Variants in DOCK3 observed in about 807,000 individuals in gnomAD.
DOCK3 encodes dedicator of cytokinesis 3, also known as dedicator of cytokinesis protein 3.
In DOCK3, 60 loss-of-function variants were observed where a neutral mutation model predicts 265.6. The observed-to-expected ratio is 0.23, with a 90% CI of 0.18 to 0.28. The LOEUF is 0.28. Ranked by LOEUF, DOCK3 falls within the 10% of genes least tolerant of loss-of-function variation. DOCK3 has a pLI of 1.00. For missense variants in DOCK3, 1,981 were observed against 2,594.3 expected, an observed-to-expected ratio of 0.76 and a Z score of 5.14; for synonymous variants, 881 against 938.0, an observed-to-expected ratio of 0.94 and a Z score of 1.11.
intron 27 of DOCK3, among the ~76,000 whole-genome samples, chr3:51,294,062 C>G (rs1251748228): frequency 6.6e-6 from 1 of 152,082 alleles, no homozygotes; most frequent in Admixed American, 6.5e-5. Flanking sequence ...ATAGAATTAC[C>G]ATATAATCCA....
At chr3:50,761,046 C>G (rs2040498250) in intron 1 of DOCK3, among the ~76,000 whole-genome samples, 1 of 151,848 alleles carries the variant, frequency 6.6e-6, no homozygotes, top group African/African-American at 2.4e-5. Flanking sequence ...TCCCAAAGTG[C>G]TGGGATTACA....
chr3:51,370,729 A>C (rs956220519), intron 49 of DOCK3, among the ~76,000 whole-genome samples: 3 of 152,226 alleles, frequency 2.0e-5, no homozygotes, highest in Non-Finnish European at 4.4e-5. Context: ...GCTGCATAAT[A>C]AGCCACCCCC....
chr3:50,843,361 C>T lies in DOCK3; in HGVS notation c.162+1646C>T, dbSNP rs577567884. Among the ~76,000 whole-genome samples, 22 of 152,084 alleles carry T rather than the reference C, an allele frequency of 1.4e-4. 1 individual carries two copies. The highest frequency in any genetic ancestry group is 1.3e-3 in the Admixed American group (20 of 15,280). ...TTGGCAGGGTTGGCTGGAAGACTGT[C>T]TTCAGCTAGGCCACCAAGATAACCA... On this transcript the variant is annotated intron_variant, in intron 3 of 52. Transcript: ENST00000266037.
At chr3:50,736,651 C>G (rs1208701781) in intron 1 of DOCK3, among the ~76,000 whole-genome samples, 3 of 150,044 alleles carry the variant, frequency 2.0e-5, no homozygotes, top group East Asian at 1.9e-4. Flanking sequence ...CTGATAGCCA[C>G]TGATGATGAG....
intron 24 of DOCK3, among the ~76,000 whole-genome samples, 184 bp downstream of exon 24, chr3:51,271,191 A>T (rs1353761880): frequency 6.6e-6 from 1 of 152,202 alleles, no homozygotes; most frequent in African/African-American, 2.4e-5. Context: ...ACCTAGGCCT[A>T]CTGCCTTACT....
intron 1 of DOCK3, among the ~76,000 whole-genome samples, chr3:50,744,915 A>T (rs1370061091): frequency 6.6e-6 from 1 of 152,012 alleles, no homozygotes; most frequent in South Asian, 2.1e-4. Flanking sequence ...TATTTTATTG[A>T]TCTATATGTC....
chr3:51,249,969 C>T (rs999397378), intron 22 of DOCK3, among the ~76,000 whole-genome samples: 1 of 151,716 alleles, frequency 6.6e-6, no homozygotes, highest in African/African-American at 2.4e-5. Flanking sequence ...TGATCTGTGA[C>T]CTTACCCCCA....
At chr3:51,195,245 G>T (rs1471049599) in intron 12 of DOCK3, among the ~76,000 whole-genome samples, 4 of 152,008 alleles carry the variant, frequency 2.6e-5, no homozygotes, top group Non-Finnish European at 4.4e-5. Context: ...TTGATATGTG[G>T]TGCTTTGTTT....
intron 2 of DOCK3, among the ~76,000 whole-genome samples, chr3:50,779,022 A>T (rs1361186960): frequency 6.6e-6 from 1 of 152,146 alleles, no homozygotes; most frequent in Non-Finnish European, 1.5e-5. Flanking sequence ...GGTACTTGAG[A>T]TACTTTGGTA....
chr3:51,248,562 G>A (rs1372283402), intron 22 of DOCK3, among the ~76,000 whole-genome samples: 1 of 152,104 alleles, frequency 6.6e-6, no homozygotes, highest in Non-Finnish European at 1.5e-5. Flanking sequence ...CCTCCCAGCC[G>A]CCTGCCTTGG....
chr3:51,084,514 T>A (rs1288887680), intron 7 of DOCK3, among the ~76,000 whole-genome samples: 1 of 152,140 alleles, frequency 6.6e-6, no homozygotes, highest in African/African-American at 2.4e-5. Context: ...TATCCTTAAA[T>A]GGAGGTTACA....
At chr3:50,817,664 G>A (rs1279087887) in intron 2 of DOCK3, among the ~76,000 whole-genome samples, 1 of 151,878 alleles carries the variant, frequency 6.6e-6, no homozygotes, top group African/African-American at 2.4e-5. Flanking sequence ...TTGCTTCATG[G>A]ATGTAAATCT....
chr3:51,354,221 C>CCCCCG (rs1275789329), intron 40 of DOCK3, among the ~76,000 whole-genome samples: 1 of 53,012 alleles, frequency 1.9e-5, no homozygotes, highest in East Asian at 5.3e-4. Flanking sequence ...TTGATCACCA[C>CCCCCG]CCCCCCCCCA....
At chr3:51,378,261 A>G (rs1354898644) in intron 51 of DOCK3, among the ~76,000 whole-genome samples, 1 of 152,226 alleles carries the variant, frequency 6.6e-6, no homozygotes, top group East Asian at 1.9e-4. Flanking sequence ...CTGTTTAGAC[A>G]GTGGAGTTTT....
At chr3:50,693,692 C>T (rs1225542960) in intron 1 of DOCK3, among the ~76,000 whole-genome samples, 1 of 151,646 alleles carries the variant, frequency 6.6e-6, no homozygotes, top group Admixed American at 6.6e-5. Flanking sequence ...CCTGCCACCA[C>T]ACCTGGCTAG....
chr3:51,098,909 C>G (rs1022168276), intron 9 of DOCK3, among the ~76,000 whole-genome samples: 1 of 152,154 alleles, frequency 6.6e-6, no homozygotes, highest in Non-Finnish European at 1.5e-5. Context: ...CTAAAAATTA[C>G]GAGGGGCTAG....
chr3:51,211,822 C>T (rs150224297), intron 13 of DOCK3, among the ~76,000 whole-genome samples: 4 of 152,240 alleles, frequency 2.6e-5, no homozygotes, highest in South Asian at 4.1e-4. Context: ...AATAAACATA[C>T]GTGTGCATGT....
chr3:51,285,754 G>A (rs982439217), intron 27 of DOCK3, among the ~76,000 whole-genome samples: 8 of 152,032 alleles, frequency 5.3e-5, no homozygotes, highest in South Asian at 2.1e-4. Context: ...CCAACATAGC[G>A]AAACCCCGTC....
In DOCK3 at chr3:50,919,240, C is replaced by A. The variant is rs559723553; in HGVS notation, c.219-14741C>A. On this transcript the variant is annotated intron_variant, in intron 4 of 52. Coordinates refer to ENST00000266037, the MANE Select transcript of DOCK3 (RefSeq NM_004947.5). ...TTGGCTTAGGATTGTCTGGGCAATG[C>A]GGACTCTTTTTTGGTTCTATATGAA... is the stretch of plus-strand genomic sequence containing the variant. 3.3e-4 allele frequency among the ~76,000 whole-genome samples: 50 copies of A among 152,208 alleles called. No individual in the cohort carries two copies. The South Asian group carries it at 5.2e-3, about 16-fold the overall frequency.
Sources: allele counts gnomAD v4.1 joint callset (sites outside exome capture counted in the v4.1 genomes callset), GRCh38; gene constraint gnomAD v4.1.1; transcripts MANE v1.5; gene names NCBI Gene and HGNC (gene_info 2026-07-23, HGNC 2026-07-21).